Variants in ST3GAL6 observed in about 807,000 individuals in gnomAD.
ST3GAL6 encodes type 2 lactosamine alpha-2,3-sialyltransferase.
In ST3GAL6, 31 loss-of-function variants were observed where a neutral mutation model predicts 40.5. The observed-to-expected ratio is 0.77, with a 90% CI of 0.58 to 1.03. The LOEUF (loss-of-function observed/expected upper bound fraction) is 1.03, where lower values mean the gene tolerates loss of function less well. Ranked by LOEUF, ST3GAL6 falls within the 50% of genes least tolerant of loss-of-function variation. The pLI, the probability that ST3GAL6 is intolerant of heterozygous loss-of-function variation, is 0.00. For missense variants in ST3GAL6, 357 were observed against 393.2 expected (o/e 0.91, Z 0.78); for synonymous variants, 129 against 136.9 (o/e 0.94, Z 0.40).
intron 1 of ST3GAL6, among the ~76,000 whole-genome samples, chr3:98,767,663 T>C (rs1024126004): frequency 8.5e-5 from 13 of 152,252 alleles, no homozygotes; most frequent in African/African-American, 4.8e-5. Context: ...TTTCCTTTTT[T>C]CCTTTGAAGC....
chr3:98,732,797 G>T, intron 1 of ST3GAL6: 2 of 1,424,546 alleles, frequency 1.4e-6, no homozygotes, highest in East Asian at 2.8e-5. Flanking sequence ...AAGGAATCGT[G>T]CCCGCGCCGC....
chr3:98,733,050 C>G, intron 1 of ST3GAL6: 1 of 1,414,928 alleles, frequency 7.1e-7, no homozygotes, highest in South Asian at 1.5e-5. Context: ...CGGTCTGGGC[C>G]GGGGTCCGGG....
At chr3:98,786,858 C>G (rs894869705) in intron 6 of ST3GAL6, among the ~76,000 whole-genome samples, 1 of 151,866 alleles carries the variant, frequency 6.6e-6, no homozygotes, top group Non-Finnish European at 1.5e-5. Flanking sequence ...GTGGTTACAA[C>G]TACCAAGAGT....
intron 1 of ST3GAL6, among the ~76,000 whole-genome samples, chr3:98,750,982 CCT>C (rs1477251580): frequency 6.6e-6 from 1 of 152,072 alleles, no homozygotes; most frequent in Non-Finnish European, 1.5e-5. Flanking sequence ...TAACTAAATC[CCT>C]GTTTCCCCCA....
chr3:98,741,289 A>G (rs986782288), intron 1 of ST3GAL6, among the ~76,000 whole-genome samples: 3 of 152,052 alleles, frequency 2.0e-5, no homozygotes, highest in African/African-American at 7.2e-5. Flanking sequence ...ACAGCTTTAC[A>G]TATGCTTTCT....
At chr3:98,758,649 G>A (rs1195692568), upstream of ST3GAL6, among the ~76,000 whole-genome samples, 1 of 152,176 alleles carries the variant, frequency 6.6e-6, no homozygotes, top group Non-Finnish European at 1.5e-5. Context: ...TAAAATGATT[G>A]TGCAGCAATA....
intron 1 of ST3GAL6, chr3:98,732,880 G>T: frequency 1.3e-6 from 2 of 1,512,766 alleles, no homozygotes; most frequent in Non-Finnish European, 8.8e-7. Flanking sequence ...CAGGCGCCGC[G>T]AGAGAGGCAG....
chr3:98,733,099 C>T (rs1378721693), intron 1 of ST3GAL6: 27 of 1,349,216 alleles, frequency 2.0e-5, no homozygotes, highest in Middle Eastern at 2.7e-4. Flanking sequence ...TCCGGCTTTG[C>T]AGCCTCTGAG....
chr3:98,768,108 T>C (rs1389729886), intron 1 of ST3GAL6, among the ~76,000 whole-genome samples: 2 of 152,230 alleles, frequency 1.3e-5, no homozygotes, highest in Non-Finnish European at 2.9e-5. Context: ...GGAATAGATG[T>C]GTAAAATTTT....
intron 2 of ST3GAL6, among the ~76,000 whole-genome samples, 190 bp from the exon 3 acceptor site, chr3:98,770,689 C>T (rs1227393322): frequency 6.6e-6 from 1 of 152,170 alleles, no homozygotes; most frequent in Non-Finnish European, 1.5e-5. Flanking sequence ...CCTTTCCTTA[C>T]ATCCATGAAT....
At chr3:98,743,394 T>A (rs1448369553) in intron 1 of ST3GAL6, among the ~76,000 whole-genome samples, 1 of 152,088 alleles carries the variant, frequency 6.6e-6, no homozygotes, top group African/African-American at 2.4e-5. Context: ...GAATTCTGCT[T>A]CTCAGGTGAA....
chr3:98,775,036 C>T (rs1188169268), intron 5 of ST3GAL6, among the ~76,000 whole-genome samples: 1 of 152,184 alleles, frequency 6.6e-6, no homozygotes, highest in Admixed American at 6.5e-5. Context: ...AGACCTTTCA[C>T]ATATGTGCTT....
intron 1 of ST3GAL6, among the ~76,000 whole-genome samples, chr3:98,766,097 GGGT>G (rs1461518798): frequency 1.3e-5 from 2 of 152,112 alleles, no homozygotes; most frequent in Admixed American, 1.3e-4. Context: ...GTTCAAGAGT[GGGT>G]TCGTTTTATT....
chr3:98,755,369 A>G (rs1015355382), intron 1 of ST3GAL6, among the ~76,000 whole-genome samples: 15 of 152,196 alleles, frequency 9.9e-5, no homozygotes, highest in African/African-American at 3.6e-4. Flanking sequence ...TAGATTGAAC[A>G]TAATAAACTG....
intron 1 of ST3GAL6, among the ~76,000 whole-genome samples, chr3:98,752,676 T>A (rs1037194151): frequency 2.0e-5 from 3 of 152,136 alleles, no homozygotes; most frequent in African/African-American, 7.2e-5. Flanking sequence ...TTTCACCGTG[T>A]TAGCCAGGAT....
At position 98,791,984 on chromosome 3, in the gene ST3GAL6, G is replaced by C. The variant is rs920225434; in HGVS notation, c.900G>C (p.Leu300Phe). ...LHYYGNATMS[L>F]MNKNAYHNVT... ...ACTATGGGAATGCCACCATGTCTTTGATGAATAAGGTAATATACTGTACTT... is the reference window on the plus strand; with the variant it reads ...ACTATGGGAATGCCACCATGTCTTTCATGAATAAGGTAATATACTGTACTT... The change falls in exon 9 of 10, where the codon TTG becomes TTC. Residue 300 changes from leucine to phenylalanine, a missense_variant. By Grantham distance (22) the Leu-to-Phe change is conservative. Transcript: ENST00000483910. 1 of 1,612,880 alleles carries C rather than the reference G, an allele frequency of 6.2e-7. No homozygotes were observed. The highest frequency in any genetic ancestry group is 1.7e-5 in the Admixed American group (1 of 59,870).
At position 98,793,704 on chromosome 3, in the gene ST3GAL6, G is replaced by A; in HGVS notation, c.939G>A (p.Gln313=). Residue 313 remains glutamine (Q), a synonymous_variant, in exon 10 of 10, where the codon CAG becomes CAA. Transcript: ENST00000483910. ...CGTATCACAATGTGACTGCAGAGCA[G>A]CTCTTTTTGAAGGACATTATAGAAA... ...KNAYHNVTAE[Q]LFLKDIIEKN... is the part of the protein sequence containing the mutation. 1.3e-6 allele frequency: 2 copies of A among 1,597,490 alleles called. No individual in the cohort carries two copies. Among genetic ancestry groups the A allele is most frequent in the South Asian group, 1.2e-5 (1 of 86,678 alleles).
chr3:98,787,451 A>G (rs987918612), intron 6 of ST3GAL6, among the ~76,000 whole-genome samples: 1 of 152,248 alleles, frequency 6.6e-6, no homozygotes, highest in African/African-American at 2.4e-5. Context: ...CTTGGCTTTC[A>G]GCATACACAA....
intron 1 of ST3GAL6, among the ~76,000 whole-genome samples, chr3:98,764,983 A>C (rs1449247387): frequency 6.6e-6 from 1 of 152,180 alleles, no homozygotes; most frequent in Non-Finnish European, 1.5e-5. Flanking sequence ...CCATGGTTCT[A>C]TTGTATTTCT....
Sources: gnomAD v4.1 joint callset for allele counts (sites outside exome capture counted in the v4.1 genomes callset) on GRCh38, gnomAD v4.1.1 for gene constraint, MANE v1.5 for transcripts, NCBI Gene and HGNC (gene_info 2026-07-23, HGNC 2026-07-21) for gene names.